IAH1: variants seen among roughly 807,000 people sequenced by gnomAD.
IAH1 encodes the protein isoamyl acetate hydrolyzing esterase 1 (putative).
In IAH1, 24 loss-of-function variants were observed where a neutral mutation model predicts 26.7. That is an observed-to-expected ratio of 0.90 (90% CI 0.65 to 1.26). The LOEUF is 1.26. Among genes scored for constraint, IAH1 ranks in the 50% most tolerant of loss-of-function variants. IAH1 has a pLI of 0.00. For synonymous variants in IAH1, 140 were observed against 118.5 expected, an observed-to-expected ratio of 1.18 and a Z score of -1.18; for missense variants, 300 against 299.9, an observed-to-expected ratio of 1.00 and a Z score of 0.00.
the IAH1 span, among the ~76,000 whole-genome samples, chr2:9,506,308 T>C: frequency 6.7e-6 from 1 of 148,340 alleles, no homozygotes; most frequent in African/African-American, 2.5e-5. Context: ...AGCAAAGACC[T>C]CATCTTACAC....
intron 5 of IAH1, chr2:9,486,158 G>C (rs1272382081): frequency 2.6e-5 from 4 of 152,220 alleles, no homozygotes; most frequent in Non-Finnish European, 5.9e-5. Context: ...ATGGTCACCA[G>C]TGGGAAAGTC....
chr2:9,485,605 TC>T (rs1661431435), intron 5 of IAH1: 1 of 152,902 alleles, frequency 6.5e-6, no homozygotes, highest in African/African-American at 2.4e-5. Context: ...ACCACTGCAC[TC>T]CGGTCTGGAG....
the IAH1 span, among the ~76,000 whole-genome samples, chr2:9,511,100 T>C: frequency 6.6e-6 from 1 of 151,926 alleles, no homozygotes; most frequent in African/African-American, 2.4e-5. Flanking sequence ...CCCAATCACA[T>C]GTCTGTTAAA....
chr2:9,507,481 G>A, the IAH1 span, among the ~76,000 whole-genome samples: 1 of 152,056 alleles, frequency 6.6e-6, no homozygotes, highest in South Asian at 2.1e-4. Context: ...CAGCCTGGGC[G>A]ACAGAGTGAG....
chr2:9,504,043 C>T, the IAH1 span, among the ~76,000 whole-genome samples: 17 of 150,624 alleles, frequency 1.1e-4, no homozygotes, highest in East Asian at 2.0e-4. Flanking sequence ...CCTGTCTATC[C>T]GGGAGGCTGA....
the IAH1 span, among the ~76,000 whole-genome samples, chr2:9,506,364 T>G: frequency 7.0e-5 from 10 of 141,888 alleles, no homozygotes; most frequent in Non-Finnish European, 1.2e-4. Context: ...AATCTGTTTT[T>G]TTTTTTTTTT....
the IAH1 span, chr2:9,510,126 A>T: frequency 1.9e-6 from 3 of 1,614,090 alleles, no homozygotes; most frequent in Non-Finnish European, 1.7e-6. Context: ...TAACCAGGTC[A>T]GCTTCCTTAA....
At chr2:9,477,526 T>G (rs960200867) in intron 2 of IAH1, among the ~76,000 whole-genome samples, 9 of 152,132 alleles carry the variant, frequency 5.9e-5, no homozygotes, top group Non-Finnish European at 1.3e-4. Flanking sequence ...TGGTATTCTC[T>G]GAGGGGTTTC....
At chr2:9,476,253 A>T (rs1486454404) in intron 2 of IAH1, among the ~76,000 whole-genome samples, 1 of 152,264 alleles carries the variant, frequency 6.6e-6, no homozygotes, top group Admixed American at 6.5e-5. Context: ...ATGGCTGGGT[A>T]GACTCAGACA....
chr2:9,487,843 C>CGT lies in IAH1; in HGVS notation c.565-303_565-302insTG, dbSNP rs1558485231. Reference sequence around the variant, plus strand: ...GTGTGTGTGTGTGTGTGCGCGCGCGCGCGCGCGCTGTGGGGGGAGACAGTC... The same window carrying CGT: ...GTGTGTGTGTGTGTGTGCGCGCGCGCGTGCGCGCGCTGTGGGGGGAGACAGTC... On this transcript the variant is annotated intron_variant, in intron 5 of 5. Transcript: ENST00000497473. Among the ~76,000 whole-genome samples, 14 of 135,816 alleles carry CGT rather than the reference C, an allele frequency of 1.0e-4. No homozygotes were observed. In the East Asian group the frequency reaches 2.4e-3, roughly 23 times the overall value. The allele number at this position is 135,816 out of a possible 152,430, so 89.1% of individuals were successfully genotyped here.
At chr2:9,486,482 C>T (rs190889086) in intron 5 of IAH1, 10 of 152,162 alleles carry the variant, frequency 6.6e-5, no homozygotes, top group Admixed American at 1.3e-4. Context: ...AAACCAAGGC[C>T]GAAGAAGAAG....
chr2:9,510,161 T>G, the IAH1 span: 2 of 1,612,796 alleles, frequency 1.2e-6, no homozygotes, highest in Non-Finnish European at 1.7e-6. Context: ...AAACATTATT[T>G]CTCAATATCC....
the IAH1 span, among the ~76,000 whole-genome samples, chr2:9,506,229 T>G: frequency 1.3e-5 from 2 of 152,046 alleles, no homozygotes; most frequent in African/African-American, 4.8e-5. Flanking sequence ...GAGAGCCAAG[T>G]GTATGAGACC....
downstream of IAH1, among the ~76,000 whole-genome samples, chr2:9,499,906 A>T (rs969483648): frequency 1.3e-5 from 2 of 152,236 alleles, no homozygotes; most frequent in Non-Finnish European, 2.9e-5. Flanking sequence ...TAAAAAAGAT[A>T]ACAAGTGTTG....
chr2:9,510,538 C>A, the IAH1 span, among the ~76,000 whole-genome samples: 1 of 152,174 alleles, frequency 6.6e-6, no homozygotes, highest in East Asian at 1.9e-4. Context: ...GAGGCACGCG[C>A]CTGTAATCTC....
intron 6 of IAH1, among the ~76,000 whole-genome samples, chr2:9,495,608 G>C (rs1219215252): frequency 6.6e-6 from 1 of 151,850 alleles, no homozygotes; most frequent in East Asian, 1.9e-4. Flanking sequence ...CAGCTACTCA[G>C]GAGGCTGAGG....
chr2:9,479,795 C>CTTTTTT (rs5829216), intron 3 of IAH1, among the ~76,000 whole-genome samples: 56 of 69,868 alleles, frequency 8.0e-4, no homozygotes, highest in East Asian at 1.2e-3. Flanking sequence ...CTGTGTATTG[C>CTTTTTT]TTTTTTTTTT....
chr2:9,475,945 G>A, intron 1 of IAH1, 42 bp from the exon 2 acceptor site: 1 of 1,576,790 alleles, frequency 6.3e-7, no homozygotes, highest in Non-Finnish European at 8.7e-7. Context: ...GAGATGCCCG[G>A]TTACAGTCAT....
chr2:9,481,909 T>C lies in IAH1; in HGVS notation c.445+462T>C, dbSNP rs571090050. Among the ~76,000 whole-genome samples, 88 of 152,316 alleles carry C rather than the reference T, an allele frequency of 5.8e-4. No individual in the cohort carries two copies. The South Asian group carries it at 0.01, about 18-fold the overall frequency. On this transcript the variant is annotated intron_variant, in intron 4 of 5. Coordinates refer to ENST00000497473, the MANE Select transcript of IAH1 (RefSeq NM_001039613.3). ...CTTGGGTTTCACATCCCTCAAGTGC[T>C]GTGTTTTCAATCCACCTTTGACTGA...
Sources: allele counts gnomAD v4.1 joint callset (sites outside exome capture counted in the v4.1 genomes callset), GRCh38; gene constraint gnomAD v4.1.1; transcripts MANE v1.5; gene names NCBI Gene and HGNC (gene_info 2026-07-23, HGNC 2026-07-21).